The following CNTNAP2 variants were observed in gnomAD, a reference collection of about 807,000 sequenced individuals.
CNTNAP2 encodes contactin-associated protein-like 2.
Under a neutral mutation model 155.2 loss-of-function variants are expected in CNTNAP2, and 98 were observed. That is an observed-to-expected ratio of 0.63 (90% CI 0.54 to 0.75). The LOEUF is 0.75. CNTNAP2 is among the 30% of genes least tolerant of loss of function. The pLI is 0.00. For missense variants in CNTNAP2, 1,727 were observed against 1,688.1 expected, an observed-to-expected ratio of 1.02 and a Z score of -0.40; for synonymous variants, 651 against 631.2, an observed-to-expected ratio of 1.03 and a Z score of -0.47.
intron 20 of CNTNAP2, among the ~76,000 whole-genome samples, chr7:148,264,701 TG>T (rs1796635665): frequency 2.6e-5 from 4 of 152,312 alleles, no homozygotes; most frequent in East Asian, 1.9e-4. Context: ...TTTTTTGTTT[TG>T]TTTTTTTTGT....
At chr7:147,989,799 A>G (rs981193774) in intron 15 of CNTNAP2, among the ~76,000 whole-genome samples, 1 of 152,160 alleles carries the variant, frequency 6.6e-6, no homozygotes, top group Non-Finnish European at 1.5e-5. Context: ...AATTCTTCTA[A>G]GAGGACTTCT....
intron 15 of CNTNAP2, among the ~76,000 whole-genome samples, chr7:148,112,783 T>A (rs772559063): frequency 2.1e-4 from 32 of 151,950 alleles, no homozygotes; most frequent in African/African-American, 7.7e-4. Context: ...ATAAAAGTGC[T>A]AAATTCTCAT....
chr7:147,548,130 ACTG>A (rs1215298892), intron 11 of CNTNAP2, among the ~76,000 whole-genome samples: 1 of 152,170 alleles, frequency 6.6e-6, no homozygotes, highest in East Asian at 1.9e-4. Flanking sequence ...CAGTAATGGG[ACTG>A]CTGAGTCAAA....
At chr7:147,187,784 T>C (rs976178772) in intron 8 of CNTNAP2, among the ~76,000 whole-genome samples, 1 of 151,910 alleles carries the variant, frequency 6.6e-6, no homozygotes, top group Non-Finnish European at 1.5e-5. Flanking sequence ...AAATAAAGAG[T>C]TATGCTGGCT....
intron 14 of CNTNAP2, among the ~76,000 whole-genome samples, chr7:147,912,530 C>T (rs1800084994): frequency 6.6e-6 from 1 of 152,182 alleles, no homozygotes; most frequent in Non-Finnish European, 1.5e-5. Context: ...GAAGCTATGG[C>T]TTTCAGCAAG....
chr7:146,578,550 G>C (rs1798560708), intron 1 of CNTNAP2, among the ~76,000 whole-genome samples: 1 of 152,010 alleles, frequency 6.6e-6, no homozygotes, highest in Non-Finnish European at 1.5e-5. Flanking sequence ...TCCGTAAGAG[G>C]TTACAGTACA....
intron 23 of CNTNAP2, among the ~76,000 whole-genome samples, chr7:148,413,041 C>A (rs1333077016): frequency 6.6e-6 from 1 of 152,034 alleles, no homozygotes; most frequent in Non-Finnish European, 1.5e-5. Context: ...TTAACATTAT[C>A]ATAATACATG....
At chr7:147,695,004 A>G (rs931216806) in intron 13 of CNTNAP2, among the ~76,000 whole-genome samples, 4 of 152,054 alleles carry the variant, frequency 2.6e-5, no homozygotes, top group African/African-American at 9.7e-5. Context: ...CACTCCTTTC[A>G]CTGCATCCCA....
rs540266600 is a variant in CNTNAP2 at position 146,484,368 on chromosome 7, T to C, written c.98-289903T>C. 6.3e-4 allele frequency among the ~76,000 whole-genome samples: 96 copies of C among 152,274 alleles called. 3 individuals carry two copies. The South Asian group carries it at 0.019, about 31-fold the overall frequency. On this transcript the variant is annotated intron_variant, in intron 1 of 23. Transcript: ENST00000361727. ...AAAATTGTTATTGCCAGTTAGAAAATATTATATTGGAAAAGTCTGAATGCT... is the reference window on the plus strand; with the variant it reads ...AAAATTGTTATTGCCAGTTAGAAAACATTATATTGGAAAAGTCTGAATGCT...
At chr7:147,670,708 G>A (rs1795772700) in intron 13 of CNTNAP2, among the ~76,000 whole-genome samples, 1 of 152,160 alleles carries the variant, frequency 6.6e-6, no homozygotes, top group Non-Finnish European at 1.5e-5. Context: ...CCAACTGAAA[G>A]CCACTTCCAT....
intron 1 of CNTNAP2, among the ~76,000 whole-genome samples, chr7:146,226,458 AG>A (rs1239970133): frequency 6.6e-6 from 1 of 152,104 alleles, no homozygotes; most frequent in Non-Finnish European, 1.5e-5. Flanking sequence ...CAGGAGTTCA[AG>A]ACCAGCCTGG....
intron 9 of CNTNAP2, among the ~76,000 whole-genome samples, chr7:147,386,705 C>T (rs1347251462): frequency 3.3e-5 from 5 of 152,180 alleles, no homozygotes; most frequent in Non-Finnish European, 7.3e-5. Context: ...AACTTTCCCA[C>T]ATTTTCCTAT....
At chr7:148,164,091 C>T (rs1285423722) in intron 17 of CNTNAP2, among the ~76,000 whole-genome samples, 2 of 152,138 alleles carry the variant, frequency 1.3e-5, no homozygotes, top group African/African-American at 4.8e-5. Context: ...GGCACCACCA[C>T]ACCTGGCTAA....
At chr7:147,389,383 C>G (rs534114179) in intron 9 of CNTNAP2, among the ~76,000 whole-genome samples, 1 of 152,278 alleles carries the variant, frequency 6.6e-6, no homozygotes, top group East Asian at 1.9e-4. Context: ...TTAAACATGT[C>G]AATTTTTCAA....
At chr7:147,439,363 T>C (rs1034237534) in intron 10 of CNTNAP2, among the ~76,000 whole-genome samples, 1 of 152,042 alleles carries the variant, frequency 6.6e-6, no homozygotes, top group African/African-American at 2.4e-5. Context: ...CAGGAGCATA[T>C]TGTTTAACCA....
intron 14 of CNTNAP2, among the ~76,000 whole-genome samples, chr7:147,931,062 G>T (rs1227369044): frequency 6.6e-6 from 1 of 151,896 alleles, no homozygotes; most frequent in African/African-American, 2.4e-5. Context: ...AAAGAGAAAT[G>T]TATAGTAATA....
At chr7:147,357,400 C>A (rs1796082249) in intron 9 of CNTNAP2, among the ~76,000 whole-genome samples, 1 of 152,040 alleles carries the variant, frequency 6.6e-6, no homozygotes, top group African/African-American at 2.4e-5. Flanking sequence ...GAAGCATTTT[C>A]CTTACTTAAT....
rs543062297 is a variant in CNTNAP2 at position 147,604,641 on chromosome 7, C to G, written c.1898-34465C>G. On this transcript the variant is annotated intron_variant, in intron 12 of 23. Coordinates refer to ENST00000361727, the MANE Select transcript of CNTNAP2 (RefSeq NM_014141.6). ...CATAATTCATTTACCTCTGTGGAAACTCTGTTGTTTTAGAAGGGGAGATGC... is the reference window on the plus strand; with the variant it reads ...CATAATTCATTTACCTCTGTGGAAAGTCTGTTGTTTTAGAAGGGGAGATGC... Among the ~76,000 whole-genome samples the G allele has an allele frequency of 1.6e-3, 245 of 152,268 alleles. 2 individuals are homozygous for G. The highest frequency in any genetic ancestry group is 5.8e-3 in the African/African-American group (242 of 41,550).
intron 13 of CNTNAP2, among the ~76,000 whole-genome samples, chr7:147,770,547 A>G (rs1342056998): frequency 6.6e-6 from 1 of 152,230 alleles, no homozygotes; most frequent in Non-Finnish European, 1.5e-5. Flanking sequence ...GTTTTGATTT[A>G]CTATCTCAGA....
Sources: allele counts gnomAD v4.1 joint callset (sites outside exome capture counted in the v4.1 genomes callset), GRCh38; gene constraint gnomAD v4.1.1; transcripts MANE v1.5; gene names NCBI Gene and HGNC (gene_info 2026-07-23, HGNC 2026-07-21).